The following ADAMTSL3 variants were observed in gnomAD, a reference collection of about 807,000 sequenced individuals.
ADAMTSL3 encodes the protein ADAMTS-like protein 3.
In ADAMTSL3, 128 loss-of-function variants were observed where a neutral mutation model predicts 201.7. The ratio of observed to expected loss-of-function variants is 0.63; its 90% CI spans 0.55 to 0.73. ADAMTSL3 has a LOEUF of 0.73. Among genes scored for constraint, ADAMTSL3 ranks in the 30% least tolerant of loss-of-function variants. The pLI is 0.00. For synonymous variants in ADAMTSL3, 738 were observed against 748.4 expected, an observed-to-expected ratio of 0.99 and a Z score of 0.23; for missense variants, 1,990 against 2,119.6, an observed-to-expected ratio of 0.94 and a Z score of 1.20.
At chr15:83,763,024 CT>C (rs1394052829) in intron 3 of ADAMTSL3, among the ~76,000 whole-genome samples, 1 of 152,050 alleles carries the variant, frequency 6.6e-6, no homozygotes, top group African/African-American at 2.4e-5. Flanking sequence ...GTAACTGGGA[CT>C]ACAAGTGCAC....
chr15:84,012,117 C>A (rs760425582), intron 23 of ADAMTSL3, among the ~76,000 whole-genome samples: 19 of 152,114 alleles, frequency 1.2e-4, no homozygotes, highest in Non-Finnish European at 2.5e-4. Context: ...TAAAACAAAT[C>A]TCTCGGTGTA....
At chr15:83,719,364 A>G (rs1486276626) in intron 3 of ADAMTSL3, among the ~76,000 whole-genome samples, 2 of 152,222 alleles carry the variant, frequency 1.3e-5, no homozygotes, top group Admixed American at 6.5e-5. Flanking sequence ...AGTGAGACTT[A>G]AAAGATGTAT....
At chr15:83,868,964 C>T (rs1417141695) in intron 8 of ADAMTSL3, among the ~76,000 whole-genome samples, 1 of 152,164 alleles carries the variant, frequency 6.6e-6, no homozygotes. Flanking sequence ...CAGATTTTTA[C>T]ACCCCTTGCC....
At chr15:83,712,546 T>G (rs774810474) in intron 3 of ADAMTSL3, among the ~76,000 whole-genome samples, 2 of 152,192 alleles carry the variant, frequency 1.3e-5, no homozygotes, top group Non-Finnish European at 2.9e-5. Flanking sequence ...TCTAAACCAC[T>G]GATCAGAGCA....
chr15:83,940,703 G>T (rs1041816924), intron 17 of ADAMTSL3, among the ~76,000 whole-genome samples: 2 of 152,034 alleles, frequency 1.3e-5, no homozygotes, highest in African/African-American at 4.8e-5. Flanking sequence ...TTTTTATTTA[G>T]AATTTATACT....
chr15:83,924,117 T>C (rs891550195), intron 17 of ADAMTSL3, 84 bp downstream of exon 17: 5 of 1,524,186 alleles, frequency 3.3e-6, no homozygotes, highest in Middle Eastern at 1.7e-4. Context: ...AAGTGCAGAC[T>C]TGTGGCTTCA....
chr15:83,725,792 A>G (rs898311408), intron 3 of ADAMTSL3, among the ~76,000 whole-genome samples: 1 of 152,118 alleles, frequency 6.6e-6, no homozygotes, highest in East Asian at 1.9e-4. Flanking sequence ...TTTGGTTACT[A>G]CAGCTCTGTA....
At chr15:83,862,664 C>T (rs907044197) in intron 8 of ADAMTSL3, 17 of 152,194 alleles carry the variant, frequency 1.1e-4, no homozygotes, top group Admixed American at 1.0e-3. Flanking sequence ...ACTGCAAAAA[C>T]ATGCCAAATT....
At chr15:83,873,548 A>C (rs2065120264) in intron 9 of ADAMTSL3, among the ~76,000 whole-genome samples, 1 of 143,858 alleles carries the variant, frequency 7.0e-6, no homozygotes, top group Non-Finnish European at 1.5e-5. Flanking sequence ...CCACCTAATT[A>C]TTAATTTTTT....
chr15:84,021,719 C>A, intron 26 of ADAMTSL3, 126 bp downstream of exon 26: 2 of 968,876 alleles, frequency 2.1e-6, no homozygotes, highest in Non-Finnish European at 3.0e-6. Flanking sequence ...ACTAGGCATC[C>A]TGCTAAGTGC....
At chr15:83,711,983 C>T (rs2061939785) in intron 3 of ADAMTSL3, among the ~76,000 whole-genome samples, 2 of 152,156 alleles carry the variant, frequency 1.3e-5, no homozygotes, top group East Asian at 3.9e-4. Flanking sequence ...AAAAGTCCCT[C>T]ACTACCCTTA....
intron 28 of ADAMTSL3, among the ~76,000 whole-genome samples, chr15:84,031,669 C>G (rs1017623127): frequency 2.0e-5 from 3 of 152,144 alleles, no homozygotes; most frequent in Admixed American, 1.3e-4. Context: ...GGACACCACT[C>G]TATGTGGTAA....
chr15:83,762,656 C>T (rs1036020916), intron 3 of ADAMTSL3, among the ~76,000 whole-genome samples: 2 of 152,164 alleles, frequency 1.3e-5, no homozygotes, highest in African/African-American at 4.8e-5. Context: ...ACCCTCATAA[C>T]TTAATTACCT....
At chr15:83,790,160 A>C (rs1365642076) in intron 4 of ADAMTSL3, among the ~76,000 whole-genome samples, 1 of 150,752 alleles carries the variant, frequency 6.6e-6, no homozygotes, top group East Asian at 1.9e-4. Context: ...AAGCATTTAA[A>C]GGAGAATTTA....
chr15:83,753,281 A>AT (rs969042669), intron 3 of ADAMTSL3, among the ~76,000 whole-genome samples: 4 of 152,028 alleles, frequency 2.6e-5, no homozygotes, highest in Non-Finnish European at 4.4e-5. Context: ...CAGCTTTTCA[A>AT]TTTTTTTGTG....
At chr15:83,980,615 A>G (rs1009077985) in intron 20 of ADAMTSL3, among the ~76,000 whole-genome samples, 8 of 152,150 alleles carry the variant, frequency 5.3e-5, no homozygotes, top group African/African-American at 1.9e-4. Context: ...CCACTTAGAG[A>G]TGATGTGACA....
intron 20 of ADAMTSL3, among the ~76,000 whole-genome samples, chr15:83,979,507 AAGG>A (rs1172440627): frequency 1.3e-5 from 2 of 152,228 alleles, no homozygotes; most frequent in East Asian, 1.9e-4. Flanking sequence ...GTAATAAAAA[AAGG>A]AGAACAAACA....
chr15:83,964,718 T>A (rs776314750), intron 19 of ADAMTSL3, among the ~76,000 whole-genome samples: 1 of 152,014 alleles, frequency 6.6e-6, no homozygotes, highest in Admixed American at 6.6e-5. Flanking sequence ...AGACACATAA[T>A]CGTCAGATTT....
At chr15:83,966,707 C>G (rs2067095992) in intron 19 of ADAMTSL3, among the ~76,000 whole-genome samples, 3 of 152,134 alleles carry the variant, frequency 2.0e-5, no homozygotes, top group African/African-American at 7.2e-5. Context: ...GATACCAAAA[C>G]CTGGCAGAAA....
Sources: gnomAD v4.1 joint callset for allele counts (sites outside exome capture counted in the v4.1 genomes callset) on GRCh38, gnomAD v4.1.1 for gene constraint, MANE v1.5 for transcripts, NCBI Gene and HGNC (gene_info 2026-07-23, HGNC 2026-07-21) for gene names.